Variants in MBNL3 observed in about 807,000 individuals in gnomAD.
The protein encoded by MBNL3 is muscleblind-like protein 3.
A neutral mutation model predicts 24.5 loss-of-function variants in MBNL3; 6 were observed. That is an observed-to-expected ratio of 0.25 (90% CI 0.13 to 0.48). The LOEUF (loss-of-function observed/expected upper bound fraction) is 0.48. Among genes scored for constraint, MBNL3 ranks in the 20% least tolerant of loss-of-function variants. MBNL3 has a pLI of 0.99. For missense variants in MBNL3, 230 were observed against 293.5 expected (o/e 0.78, Z 1.58); for synonymous variants, 100 against 101.7 (o/e 0.98, Z 0.10).
intron 3 of MBNL3, among the ~76,000 whole-genome samples, chrX:132,402,861 A>G (rs772519157): frequency 8.9e-6 from 1 of 112,014 alleles, no homozygotes; most frequent in Non-Finnish European, 1.9e-5. Flanking sequence ...AGGGGCTTAT[A>G]ATAAGCAAAC....
intron 2 of MBNL3, among the ~76,000 whole-genome samples, chrX:132,433,122 G>C (rs1944874836): frequency 8.9e-6 from 1 of 111,853 alleles, no homozygotes. Flanking sequence ...GGCATGTATG[G>C]AATGTCTCCA....
chrX:132,483,339 A>C (rs1370776752), intron 1 of MBNL3, among the ~76,000 whole-genome samples: 2 of 112,120 alleles, frequency 1.8e-5, no homozygotes, highest in Non-Finnish European at 3.8e-5. Flanking sequence ...TTGTCATTAC[A>C]TATTTTAAAT....
intron 1 of MBNL3, among the ~76,000 whole-genome samples, chrX:132,453,732 T>A (rs752112700): frequency 3.0e-4 from 34 of 111,546 alleles, no homozygotes; most frequent in African/African-American, 1.1e-3. Context: ...TTTTTGGGTA[T>A]AATGGCATCC....
intron 2 of MBNL3, among the ~76,000 whole-genome samples, chrX:132,420,981 A>T (rs1431024301): frequency 4.5e-5 from 5 of 112,151 alleles, no homozygotes. Flanking sequence ...CCCAAGAAGA[A>T]ATGAATTTAA....
chrX:132,404,024 G>A (rs138087454), intron 3 of MBNL3, among the ~76,000 whole-genome samples: 1,710 of 108,591 alleles, frequency 0.016, 34 homozygotes, highest in African/African-American at 0.054. Context: ...ACATCCCCTG[G>A]CAACTACCCT....
chrX:132,449,224 T>C (rs1340530749), intron 1 of MBNL3, among the ~76,000 whole-genome samples: 1 of 111,444 alleles, frequency 9.0e-6, no homozygotes. Context: ...CTGTCTAATA[T>C]TGACAGTGGG....
At chrX:132,438,020 A>AG in intron 2 of MBNL3, 1 of 268,931 alleles carries the variant, frequency 3.7e-6, no homozygotes, top group Non-Finnish European at 5.1e-6. Flanking sequence ...CTACAGGTTA[A>AG]GCATCTTTAA....
intron 2 of MBNL3, among the ~76,000 whole-genome samples, chrX:132,408,492 GAAT>G (rs757445583): frequency 3.6e-5 from 4 of 110,813 alleles, no homozygotes; most frequent in South Asian, 3.8e-4. Flanking sequence ...AAAGAAAAAA[GAAT>G]AATTGGAATT....
In MBNL3 at chrX:132,439,552, A is replaced by G. The variant is rs376323599; in HGVS notation, c.60T>C (p.Cys20=). ...AGCAAGTTCCTCTCTGAAATTCTCT[A>G]CAGACTTCTAAAGTCAGCCACTTGG... is the stretch of plus-strand genomic sequence containing the variant. ...RDTKWLTLEV[C]REFQRGTCSR... is the part of the protein sequence containing the mutation. The change falls in exon 2 of 9, where the codon TGT becomes TGC. Residue 20 remains cysteine (C), a synonymous_variant. Transcript: ENST00000370853. 2 of 1,207,222 alleles carry G rather than the reference A, an allele frequency of 1.7e-6. No homozygotes were observed. Among genetic ancestry groups the G allele is most frequent in the East Asian group, 5.9e-5 (2 of 33,671 alleles).
intron 1 of MBNL3, among the ~76,000 whole-genome samples, chrX:132,463,043 C>T (rs1330972346): frequency 1.8e-5 from 2 of 112,052 alleles, no homozygotes; most frequent in African/African-American, 3.2e-5. Flanking sequence ...TAAAGAAAAA[C>T]TAAAGAAAGC....
At chrX:132,385,000 TAA>T (rs1022992187) in intron 6 of MBNL3, among the ~76,000 whole-genome samples, 1 of 111,601 alleles carries the variant, frequency 9.0e-6, no homozygotes, top group African/African-American at 3.2e-5. Flanking sequence ...ATTTTTATAA[TAA>T]GAGAATTTTA....
chrX:132,416,253 C>T (rs1000682004), intron 2 of MBNL3, among the ~76,000 whole-genome samples: 1 of 111,874 alleles, frequency 8.9e-6, no homozygotes, highest in African/African-American at 3.2e-5. Context: ...TTTGCAACAG[C>T]ATGATTGGAA....
intron 2 of MBNL3, among the ~76,000 whole-genome samples, chrX:132,437,419 G>A (rs2148434990): frequency 8.9e-6 from 1 of 112,112 alleles, no homozygotes; most frequent in East Asian, 2.8e-4. Context: ...CAAACATTTA[G>A]TTGATAGGAA....
chrX:132,415,270 C>T (rs1943192777), intron 2 of MBNL3, among the ~76,000 whole-genome samples: 1 of 111,931 alleles, frequency 8.9e-6, no homozygotes, highest in Non-Finnish European at 1.9e-5. Flanking sequence ...AACCTTAAAC[C>T]TTGGGGTTTC....
intron 1 of MBNL3, among the ~76,000 whole-genome samples, chrX:132,446,836 A>G (rs1433884257): frequency 5.4e-5 from 6 of 111,715 alleles, no homozygotes; most frequent in Middle Eastern, 4.2e-3. Context: ...GCCCATGCCT[A>G]TGTCCTGAAT....
chrX:132,456,274 A>T (rs1288191675), intron 1 of MBNL3, among the ~76,000 whole-genome samples: 1 of 112,235 alleles, frequency 8.9e-6, no homozygotes, highest in Admixed American at 9.5e-5. Flanking sequence ...TTTCTAATCA[A>T]CTGGGATACT....
rs749179169 is a variant in MBNL3, at chrX:132,376,084, C to T, written c.*3582G>A. ...CTTGCTTTTTCCCAAATTGGAGAGC[C>T]GGTGAGCTGAGGCCCTCCCATTAGT... On this transcript the variant is annotated 3_prime_UTR_variant, in exon 9 of 9. Transcript: ENST00000370853. The T allele has an allele frequency of 8.1e-5, 9 of 111,191 alleles. No homozygotes were observed. The East Asian group carries it at 1.1e-3, about 14-fold the overall frequency. 9.2% of individuals were successfully genotyped at this position (111,191 alleles called of 1,213,427 possible). A position where few individuals can be genotyped will look rare whatever the true frequency, so the allele number is the denominator to read the frequency against.
At chrX:132,398,273 A>G (rs1940189374) in intron 3 of MBNL3, among the ~76,000 whole-genome samples, 1 of 111,228 alleles carries the variant, frequency 9.0e-6, no homozygotes, top group African/African-American at 3.3e-5. Flanking sequence ...CAGGCCAGGA[A>G]TCATAAAGGA....
chrX:132,434,486 G>C (rs1944995726), intron 2 of MBNL3, among the ~76,000 whole-genome samples: 1 of 112,108 alleles, frequency 8.9e-6, no homozygotes, highest in Non-Finnish European at 1.9e-5. Flanking sequence ...AAGAAAAACT[G>C]GTCATGTTAC....
Sources: allele counts gnomAD v4.1 joint callset (sites outside exome capture counted in the v4.1 genomes callset), GRCh38; gene constraint gnomAD v4.1.1; transcripts MANE v1.5; gene names NCBI Gene and HGNC (gene_info 2026-07-23, HGNC 2026-07-21).